BLNK: variants seen among roughly 807,000 people sequenced by gnomAD.
BLNK encodes the protein B-cell linker protein.
Under a neutral mutation model 73.5 loss-of-function variants are expected in BLNK, and 29 were observed. That is an observed-to-expected ratio of 0.39 (90% CI 0.29 to 0.54). BLNK has a LOEUF of 0.54. Ranked by LOEUF, BLNK falls within the 20% of genes least tolerant of loss-of-function variation. BLNK has a pLI of 0.61. For synonymous variants in BLNK, 176 were observed against 200.8 expected, an observed-to-expected ratio of 0.88 and a Z score of 1.04; for missense variants, 460 against 562.8, an observed-to-expected ratio of 0.82 and a Z score of 1.85.
intron 13 of BLNK, among the ~76,000 whole-genome samples, chr10:96,201,964 G>C (rs7099008): frequency 5.9e-5 from 9 of 152,060 alleles, no homozygotes; most frequent in African/African-American, 2.2e-4. Flanking sequence ...GGAAGAATAT[G>C]TGGGTGAGAT....
chr10:96,189,921 A>G lies in BLNK; in HGVS notation c.*2052T>C, dbSNP rs587761153. On this transcript the variant is annotated 3_prime_UTR_variant, in exon 17 of 17. Coordinates refer to ENST00000224337, the MANE Select transcript of BLNK (RefSeq NM_013314.4). The stretch of plus-strand genomic sequence containing the variant: ...ACTGGCCCTGAACCACACTTCAACC[A>G]TAAAAGCACTGGTGGTGTTATTTCA... 1.0e-4 allele frequency: 102 copies of G among 988,552 alleles called. No homozygotes were observed. In the African/African-American group the frequency reaches 1.5e-3, roughly 15 times the overall value. The allele number at this position is 988,552 out of a possible 1,614,324, so 61.2% of individuals were successfully genotyped here.
chr10:96,260,885 C>A (rs568583614), intron 1 of BLNK, among the ~76,000 whole-genome samples: 1 of 151,812 alleles, frequency 6.6e-6, no homozygotes, highest in East Asian at 1.9e-4. Flanking sequence ...ACTCTGTCAC[C>A]CAGGCTGGGG....
chr10:96,228,522 G>C (rs782294142), intron 4 of BLNK, among the ~76,000 whole-genome samples: 25 of 152,264 alleles, frequency 1.6e-4, no homozygotes, highest in Admixed American at 1.6e-3. Context: ...CTCCCAAAGC[G>C]CTGAGATTAC....
intron 6 of BLNK, among the ~76,000 whole-genome samples, chr10:96,219,898 A>C (rs1368446923): frequency 6.6e-6 from 1 of 152,226 alleles, no homozygotes; most frequent in Non-Finnish European, 1.5e-5. Flanking sequence ...CAGTTGTGCC[A>C]ATAGGAAAAC....
intron 9 of BLNK, among the ~76,000 whole-genome samples, chr10:96,208,857 G>T (rs138969486): frequency 6.6e-6 from 1 of 152,150 alleles, no homozygotes; most frequent in African/African-American, 2.4e-5. Context: ...GAAGTAGTTT[G>T]CCCAAAGTGA....
At position 96,200,020 on chromosome 10, in the gene BLNK, A is replaced by T; in HGVS notation, c.1095+55T>A. On this transcript the variant is annotated intron_variant, in intron 15 of 16. Transcript: ENST00000224337. The surrounding 1 kb of genome is among the most constrained non-coding windows in gnomAD (Gnocchi z 4.3). ...TCCAGTGAAACTGCATCATCTCAAA[A>T]CAAATAAATAAAATAAAATAAAATA... The T allele has an allele frequency of 8.0e-7, 1 of 1,251,172 alleles. No individual in the cohort carries two copies. The highest frequency in any genetic ancestry group is 1.0e-6 in the Non-Finnish European group (1 of 965,294). 77.5% of individuals were successfully genotyped at this position (1,251,172 alleles called of 1,614,324 possible).
Position 96,256,010 on chromosome 10 carries a change from T to A in BLNK, c.48-8961A>T, listed in dbSNP as rs544810842. The stretch of plus-strand genomic sequence containing the variant: ...GTTACTAAATTTTAAAACAGCTCGA[T>A]GATAGAAAATTGAACACTGCCAATA... On this transcript the variant is annotated intron_variant, in intron 1 of 16. Transcript: ENST00000224337. Among the ~76,000 whole-genome samples the A allele has an allele frequency of 3.3e-5, 5 of 152,168 alleles. No homozygotes were observed. The East Asian group carries it at 9.6e-4, about 29-fold the overall frequency.
chr10:96,215,473 A>G lies in BLNK; in HGVS notation c.608-84T>C, dbSNP rs1301579279. 4 of 1,318,498 alleles carry G rather than the reference A, an allele frequency of 3.0e-6. No individual in the cohort carries two copies. In the East Asian group the frequency reaches 1.0e-4, roughly 34 times the overall value. 81.7% of individuals were successfully genotyped at this position (1,318,498 alleles called of 1,614,324 possible). A position where few individuals can be genotyped will look rare whatever the true frequency, so the allele number is the denominator to read the frequency against. On this transcript the variant is annotated intron_variant, in intron 7 of 16. Coordinates refer to ENST00000224337, the MANE Select transcript of BLNK (RefSeq NM_013314.4). ...ATACATGCCATTGAGGAAAATTCAC[A>G]CTCAGGGAAAAATGATGACCAGACC...
rs782546596 is a variant in BLNK at position 96,242,742 on chromosome 10, G to A, written c.156C>T (p.Tyr52=). The change falls in exon 3 of 17, where the codon TAC becomes TAT. Residue 52 remains tyrosine, a synonymous_variant. Coordinates refer to ENST00000224337, the MANE Select transcript of BLNK (RefSeq NM_013314.4). ...ATCTGAGAAATACCTTACCTGAAGC[G>A]TAGTCCCTTCGAGGAACACTTGGAG... ...KAPPSVPRRD[Y]ASESPADEEE... is the part of the protein sequence containing the mutation. 30 of 1,613,708 alleles carry A rather than the reference G, an allele frequency of 1.9e-5. No homozygotes were observed. The highest frequency in any genetic ancestry group is 1.6e-4 in the Middle Eastern group (1 of 6,084).
chr10:96,271,214 A>G (rs1554915621), intron 1 of BLNK, 138 bp downstream of exon 1: 13 of 929,208 alleles, frequency 1.4e-5, no homozygotes, highest in Non-Finnish European at 2.0e-5. Context: ...CTAAAAGCTC[A>G]GTCCACTTCC....
At chr10:96,214,230 G>C (rs140673254) in intron 8 of BLNK, among the ~76,000 whole-genome samples, 4 of 152,166 alleles carry the variant, frequency 2.6e-5, no homozygotes, top group South Asian at 2.1e-4. Context: ...GAATGCTGGA[G>C]AGCAGGCTCC....
Position 96,230,791 on chromosome 10 carries a change from T to TA in BLNK, c.204+2dup, listed in dbSNP as rs1268998812. On this transcript the variant is annotated splice_region_variant and intron_variant, in intron 4 of 16. Coordinates refer to ENST00000224337, the MANE Select transcript of BLNK (RefSeq NM_013314.4). ...CCTCCTGGTCCCAGGAGCAAATACT[T>TA]ACAAAGTCATCGGACCACTGCTCCT... The TA allele has an allele frequency of 8.1e-6, 13 of 1,609,024 alleles. No individual in the cohort carries two copies. The highest frequency in any genetic ancestry group is 1.1e-5 in the Non-Finnish European group (13 of 1,177,986).
At position 96,200,908 on chromosome 10, in the gene BLNK, T is replaced by C. The variant is rs2083614843; in HGVS notation, c.1011+74A>G. 7.4e-7 allele frequency: 1 copy of C among 1,346,102 alleles called. No individual in the cohort carries two copies. Among genetic ancestry groups the C allele is most frequent in the Admixed American group, 1.7e-5 (1 of 59,644 alleles). 83.4% of individuals were successfully genotyped at this position (1,346,102 alleles called of 1,614,324 possible). ...GTTCTCAAGGTTCACTCCAAATGTC[T>C]TCTTCTCAGAAGACATGCTCTTTCC... is the stretch of plus-strand genomic sequence containing the variant. On this transcript the variant is annotated intron_variant, in intron 14 of 16. Transcript: ENST00000224337. The surrounding 1 kb of genome is among the most constrained non-coding windows in gnomAD (Gnocchi z 4.3).
At chr10:96,228,318 C>T (rs1467034449) in intron 4 of BLNK, among the ~76,000 whole-genome samples, 1 of 152,092 alleles carries the variant, frequency 6.6e-6, no homozygotes, top group African/African-American at 2.4e-5. Flanking sequence ...AGTGCAGTGG[C>T]AGGATCTCAG....
Position 96,200,247 on chromosome 10 carries a change from T to G in BLNK, c.1012-89A>C. 1 of 982,842 alleles carries G rather than the reference T, an allele frequency of 1.0e-6. No individual in the cohort carries two copies. The highest frequency in any genetic ancestry group is 1.6e-6 in the Non-Finnish European group (1 of 622,594). 60.9% of individuals were successfully genotyped at this position (982,842 alleles called of 1,614,324 possible). A position where few individuals can be genotyped will look rare whatever the true frequency, so the allele number is the denominator to read the frequency against. On this transcript the variant is annotated intron_variant, in intron 14 of 16. Coordinates refer to ENST00000224337, the MANE Select transcript of BLNK (RefSeq NM_013314.4). The surrounding 1 kb of genome is among the most constrained non-coding windows in gnomAD (Gnocchi z 4.3). Reference sequence around the variant, plus strand: ...TAGAAACAAAGACCCATTTGCATTATCAAGACAGGCCTCTACATTTACACC... The same window carrying G: ...TAGAAACAAAGACCCATTTGCATTAGCAAGACAGGCCTCTACATTTACACC...
chr10:96,240,124 G>A (rs1902711), intron 3 of BLNK, among the ~76,000 whole-genome samples: 84,244 of 152,064 alleles, frequency 0.55, 26,131 homozygotes, highest in South Asian at 0.72. Context: ...CCTCACAGCA[G>A]GTACCATGTT....
intron 11 of BLNK, 57 bp downstream of exon 11, chr10:96,206,954 T>C: frequency 6.6e-7 from 1 of 1,522,654 alleles, no homozygotes; most frequent in Non-Finnish European, 9.1e-7. Flanking sequence ...TACATACAAA[T>C]CCTTAATAAA....
At chr10:96,205,633 T>C (rs1316274494) in intron 11 of BLNK, among the ~76,000 whole-genome samples, 1 of 152,212 alleles carries the variant, frequency 6.6e-6, no homozygotes, top group Non-Finnish European at 1.5e-5. Flanking sequence ...TGCCAGCCTA[T>C]AAGCTTTGAC....
At chr10:96,211,425 A>AT (rs1554898691) in intron 8 of BLNK, among the ~76,000 whole-genome samples, 1 of 152,180 alleles carries the variant, frequency 6.6e-6, no homozygotes, top group East Asian at 1.9e-4. Flanking sequence ...TGCACCCTCC[A>AT]TATCATCTCA....
Sources: gnomAD v4.1 joint callset for allele counts (sites outside exome capture counted in the v4.1 genomes callset) on GRCh38, gnomAD v4.1.1 for gene constraint, Gnocchi (gnomAD v3.1) non-coding constraint, MANE v1.5 for transcripts, NCBI Gene and HGNC (gene_info 2026-07-23, HGNC 2026-07-21) for gene names.